MYH3: variants seen among roughly 807,000 people sequenced by gnomAD.
The protein encoded by MYH3 is myosin heavy chain 3, also known as myosin-3.
MYH3 carries 130 observed loss-of-function variants against 238.0 expected under a neutral mutation model. The observed-to-expected ratio is 0.55, with a 90% confidence interval of 0.47 to 0.63. MYH3 has a LOEUF of 0.63. MYH3 is among the 30% of genes least tolerant of loss of function. The pLI, the probability that MYH3 is intolerant of heterozygous loss-of-function variation, is 0.00. For missense variants in MYH3, 1,853 were observed against 2,374.9 expected (o/e 0.78, Z 4.57); for synonymous variants, 880 against 924.1 (o/e 0.95, Z 0.86).
chr17:10,646,238 T>C (rs1952710111), intron 10 of MYH3, among the ~76,000 whole-genome samples: 1 of 152,028 alleles, frequency 6.6e-6, no homozygotes, highest in Admixed American at 6.6e-5. Context: ...TCCCACACAA[T>C]GGAGATGAAG....
chr17:10,677,255 C>T, the MYH3 span: 1 of 152,176 alleles, frequency 6.6e-6, no homozygotes. Context: ...TGCAGTGAGC[C>T]AAGATTATGC....
chr17:10,652,691 G>A (rs1255817424), intron 3 of MYH3, 128 bp from the exon 4 acceptor site: 45 of 1,027,832 alleles, frequency 4.4e-5, no homozygotes, highest in African/African-American at 8.7e-5. Context: ...ATGCGATCTC[G>A]GCTCACTGCA....
chr17:10,652,694 T>C, intron 3 of MYH3, 131 bp from the exon 4 acceptor site: 2 of 1,002,970 alleles, frequency 2.0e-6, no homozygotes, highest in Middle Eastern at 3.3e-4. Flanking sequence ...CGATCTCGGC[T>C]CACTGCAAGC....
intron 28 of MYH3, among the ~76,000 whole-genome samples, chr17:10,636,161 A>G (rs2074213440): frequency 6.6e-6 from 1 of 151,914 alleles, no homozygotes; most frequent in Non-Finnish European, 1.5e-5. Flanking sequence ...CATCTCTACT[A>G]AAAACAAAAA....
At chr17:10,635,882 C>T in intron 28 of MYH3, 29 bp from the exon 29 acceptor site, 1 of 1,571,422 alleles carries the variant, frequency 6.4e-7, no homozygotes, top group Non-Finnish European at 8.8e-7. Context: ...AGTTTCATTT[C>T]ATTTATTCAC....
rs1244421722 is a variant in MYH3, at chr17:10,654,344, A to C, written c.204+517T>G. 1.3e-5 allele frequency among the ~76,000 whole-genome samples: 2 copies of C among 152,126 alleles called. No individual in the cohort carries two copies. Among genetic ancestry groups the C allele is most frequent in the Non-Finnish European group, 2.9e-5 (2 of 68,020 alleles). ...CTCCAGAATTCCTCGCAGCACCCCC[A>C]CAGTGGCTTGGGCCAGAATGTAATG... On this transcript the variant is annotated intron_variant, in intron 3 of 40. Transcript: ENST00000583535. This position sits in a 1 kb window ranked among gnomAD's most constrained non-coding sequence, Gnocchi z 4.5.
chr17:10,660,544 G>C (rs1170971808), upstream of MYH3, among the ~76,000 whole-genome samples: 3 of 151,968 alleles, frequency 2.0e-5, no homozygotes, highest in African/African-American at 4.8e-5. Context: ...TGGCATGGTG[G>C]CAGGTCCCTG....
At position 10,644,493 on chromosome 17, in the gene MYH3, T is replaced by G; in HGVS notation, c.1268A>C (p.His423Pro). 6.2e-7 allele frequency: 1 copy of G among 1,614,220 alleles called. No homozygotes were observed. The change falls in exon 14 of 41, where the codon CAT (histidine) becomes CCT (proline). Residue 423 changes from histidine (H) to proline (P), a missense_variant. By Grantham distance (77) the His-to-Pro change is moderately conservative. Transcript: ENST00000583535. ...TGATTTTGAAAGAGCATTCACAGCA[T>G]GGTGAACCTATCAGGGGAAAGATCA... Reference protein sequence around the residue: ...TKGQTVDQVHHAVNALSKSVY... With the variant: ...TKGQTVDQVHPAVNALSKSVY...
chr17:10,670,960 G>C, the MYH3 span, among the ~76,000 whole-genome samples: 1 of 152,060 alleles, frequency 6.6e-6, no homozygotes, highest in African/African-American at 2.4e-5. This position sits in a 1 kb window ranked among gnomAD's most constrained non-coding sequence, Gnocchi z 7.0. Flanking sequence ...CGCGATCTTG[G>C]CTCACTGCAA....
intron 10 of MYH3, 38 bp from the exon 11 acceptor site, chr17:10,646,070 C>T: frequency 6.3e-7 from 1 of 1,583,002 alleles, no homozygotes; most frequent in Non-Finnish European, 8.7e-7. Context: ...TATGCAGATG[C>T]AAAGAAAAAA....
chr17:10,663,451 G>A, the MYH3 span, among the ~76,000 whole-genome samples: 3 of 152,134 alleles, frequency 2.0e-5, no homozygotes, highest in Admixed American at 1.3e-4. Flanking sequence ...AAGAGTGCTC[G>A]AGAAGTCAAG....
chr17:10,655,425 G>A (rs1222460426), intron 2 of MYH3, among the ~76,000 whole-genome samples: 2 of 152,126 alleles, frequency 1.3e-5, no homozygotes, highest in African/African-American at 4.8e-5. Flanking sequence ...TGTTGCTGAG[G>A]GAACGTTTAA....
Position 10,645,907 on chromosome 17 carries a change from C to T in MYH3, c.1002+22G>A, listed in dbSNP as rs145586375. 340 of 1,613,718 alleles carry T rather than the reference C, an allele frequency of 2.1e-4. 1 individual carries two copies. Among genetic ancestry groups the T allele is most frequent in the East Asian group, 2.2e-4 (10 of 44,832 alleles). Reference sequence around the variant, plus strand: ...CCAGTGATGGAGGAGGAACACCCACCCCTTCTGTTGGTTCCACTTACGTCT... The same window carrying T: ...CCAGTGATGGAGGAGGAACACCCACTCCTTCTGTTGGTTCCACTTACGTCT... On this transcript the variant is annotated intron_variant, in intron 11 of 40. Transcript: ENST00000583535.
Position 10,631,635 on chromosome 17 carries a change from C to A in MYH3, c.5262G>T (p.Glu1754Asp). 1 of 1,614,158 alleles carries A rather than the reference C, an allele frequency of 6.2e-7. No individual in the cohort carries two copies. Among genetic ancestry groups the A allele is most frequent in the Non-Finnish European group, 8.5e-7 (1 of 1,180,012 alleles). The change falls in exon 36 of 41, where the codon GAG becomes GAT. Residue 1754 changes from glutamate to aspartate, a missense_variant. Physicochemically the swap from Glu to Asp is conservative, Grantham distance 45. Coordinates refer to ENST00000583535, the MANE Select transcript of MYH3 (RefSeq NM_002470.4). ...CGTCCGTGATGGCCTTCTTGGCCTT[C>A]TCCTCAGCGTTCCTTGCATCCCTGC... is the stretch of plus-strand genomic sequence containing the variant. ...DASRDARNAE[E>D]KAKKAITDAA...
Position 10,644,488 on chromosome 17 carries a change from C to T in MYH3, c.1273G>A (p.Val425Met). Residue 425 changes from valine to methionine, a missense_variant, in exon 14 of 41, where the codon GTG becomes ATG. Val to Met is a conservative substitution (Grantham distance 21, BLOSUM62 1). Around this residue, in one of 3 missense-constraint regions of MYH3, gnomAD observed 678 missense variants for 1,058.9 expected, o/e 0.64. Coordinates refer to ENST00000583535, the MANE Select transcript of MYH3 (RefSeq NM_002470.4). ...GQTVDQVHHAVNALSKSVYEK... is the reference protein window; with the variant it reads ...GQTVDQVHHAMNALSKSVYEK... The stretch of plus-strand genomic sequence containing the variant: ...TAAACTGATTTTGAAAGAGCATTCA[C>T]AGCATGGTGAACCTATCAGGGGAAA... 6.2e-7 allele frequency: 1 copy of T among 1,614,180 alleles called. No individual in the cohort carries two copies. Among genetic ancestry groups the T allele is most frequent in the Non-Finnish European group, 8.5e-7 (1 of 1,180,008 alleles).
intron 12 of MYH3, among the ~76,000 whole-genome samples, chr17:10,645,325 G>A (rs562692946): frequency 4.6e-5 from 7 of 151,998 alleles, no homozygotes; most frequent in African/African-American, 1.4e-4. Context: ...CCAGCTACTC[G>A]GGAGGCTGAG....
chr17:10,655,077 A>G lies in MYH3; in HGVS notation c.-8-5T>C. 3.7e-6 allele frequency: 6 copies of G among 1,613,318 alleles called. No homozygotes were observed. Among genetic ancestry groups the G allele is most frequent in the Non-Finnish European group, 5.1e-6 (6 of 1,179,370 alleles). On this transcript the variant is annotated splice_region_variant and splice_polypyrimidine_tract_variant and intron_variant, in intron 2 of 40. Transcript: ENST00000583535. ...TGTCACTACTCATGGTGTCAGCTGG[A>G]AGGCAAACCCACCCGGTGAGCTCAG...
At chr17:10,670,789 A>G in the MYH3 span, among the ~76,000 whole-genome samples, 1 of 152,152 alleles carries the variant, frequency 6.6e-6, no homozygotes, top group Non-Finnish European at 1.5e-5. The surrounding 1 kb of genome is among the most constrained non-coding windows in gnomAD (Gnocchi z 7.0). Flanking sequence ...TACATATTGG[A>G]TATCTTTTCA....
intron 24 of MYH3, 40 bp from the exon 25 acceptor site, chr17:10,639,229 G>C: frequency 6.2e-7 from 1 of 1,614,154 alleles, no homozygotes; most frequent in South Asian, 1.1e-5. Flanking sequence ...CAAATGCTTT[G>C]CAAGAGGACC....
Sources: gnomAD v4.1 joint callset for allele counts (sites outside exome capture counted in the v4.1 genomes callset) on GRCh38, gnomAD v4.1.1 for gene constraint, gnomAD v4.1.1 regional missense constraint, Gnocchi (gnomAD v3.1) non-coding constraint, MANE v1.5 for transcripts, NCBI Gene and HGNC (gene_info 2026-07-23, HGNC 2026-07-21) for gene names.